Variants in CDH20 observed in about 807,000 individuals in gnomAD.
CDH20 encodes the protein cadherin 20, also known as cadherin-20.
In CDH20, 29 loss-of-function variants were observed where a neutral mutation model predicts 74.2. The observed-to-expected ratio is 0.39, with a 90% CI of 0.29 to 0.53. The LOEUF is 0.53. Among genes scored for constraint, CDH20 ranks in the 20% least tolerant of loss-of-function variants. CDH20 has a pLI of 0.69. For synonymous variants in CDH20, 469 were observed against 405.4 expected, an observed-to-expected ratio of 1.16 and a Z score of -1.88; for missense variants, 988 against 1,048.3, an observed-to-expected ratio of 0.94 and a Z score of 0.79.
intron 1 of CDH20, among the ~76,000 whole-genome samples, chr18:61,479,625 G>A (rs774323507): frequency 1.3e-5 from 2 of 151,516 alleles, no homozygotes; most frequent in South Asian, 2.1e-4. Context: ...AATTGCCTAG[G>A]GTTTTCTTTT....
chr18:61,426,680 T>G (rs965337877), intron 1 of CDH20, among the ~76,000 whole-genome samples: 1 of 152,222 alleles, frequency 6.6e-6, no homozygotes, highest in Non-Finnish European at 1.5e-5. Flanking sequence ...AAGGACTGAC[T>G]TAATGGCCTG....
chr18:61,423,188 G>T (rs190051287), intron 1 of CDH20, among the ~76,000 whole-genome samples: 1 of 152,186 alleles, frequency 6.6e-6, no homozygotes, highest in African/African-American at 2.4e-5. Flanking sequence ...GGTCAGTAGC[G>T]TCAGATCAGC....
chr18:61,501,731 G>T (rs1029419201), intron 4 of CDH20, among the ~76,000 whole-genome samples: 3 of 152,316 alleles, frequency 2.0e-5, no homozygotes, highest in Non-Finnish European at 2.9e-5. Flanking sequence ...ATTGCAGTTA[G>T]AGACTTCTAT....
intron 1 of CDH20, among the ~76,000 whole-genome samples, chr18:61,354,978 T>C (rs1329938342): frequency 6.6e-6 from 1 of 152,222 alleles, no homozygotes; most frequent in Non-Finnish European, 1.5e-5. Context: ...AAACTGTGCT[T>C]AGGCGCTGGC....
chr18:61,432,778 C>T (rs1913300197), intron 1 of CDH20, among the ~76,000 whole-genome samples: 1 of 152,102 alleles, frequency 6.6e-6, no homozygotes, highest in Admixed American at 6.6e-5. Flanking sequence ...TTCCCTTTTC[C>T]TTCCTTCCTT....
At chr18:61,534,617 G>A (rs979844729) in intron 7 of CDH20, among the ~76,000 whole-genome samples, 2 of 152,144 alleles carry the variant, frequency 1.3e-5, no homozygotes, top group African/African-American at 4.8e-5. Flanking sequence ...GAATCTAGAC[G>A]ACATTATGCT....
chr18:61,479,210 A>G (rs1047014774), intron 1 of CDH20, among the ~76,000 whole-genome samples: 3 of 151,956 alleles, frequency 2.0e-5, no homozygotes, highest in African/African-American at 7.2e-5. Context: ...GAATATTTGC[A>G]TGGGCCAAAA....
At chr18:61,378,227 A>G (rs1364926503) in intron 1 of CDH20, among the ~76,000 whole-genome samples, 1 of 152,224 alleles carries the variant, frequency 6.6e-6, no homozygotes, top group African/African-American at 2.4e-5. Flanking sequence ...GTGGACTTTC[A>G]TCAGCTGATG....
chr18:61,424,337 T>C (rs989762825), intron 1 of CDH20, among the ~76,000 whole-genome samples: 4 of 152,240 alleles, frequency 2.6e-5, no homozygotes, highest in African/African-American at 7.2e-5. Flanking sequence ...AGCAGTGTGC[T>C]ACAAGCACTG....
At chr18:61,533,181 G>C (rs1442269364) in intron 7 of CDH20, among the ~76,000 whole-genome samples, 1 of 152,118 alleles carries the variant, frequency 6.6e-6, no homozygotes, top group Non-Finnish European at 1.5e-5. Flanking sequence ...GGTGGTACCT[G>C]CCTCTAGTTC....
intron 1 of CDH20, among the ~76,000 whole-genome samples, chr18:61,483,504 G>A (rs552163281): frequency 7.9e-5 from 12 of 152,240 alleles, no homozygotes; most frequent in African/African-American, 2.6e-4. Context: ...ACAGCCTGGC[G>A]TAAACACTCC....
intron 1 of CDH20, among the ~76,000 whole-genome samples, chr18:61,438,566 G>A (rs968537368): frequency 6.6e-6 from 1 of 152,052 alleles, no homozygotes. Context: ...GATATCTCAT[G>A]CCAGTCAGAA....
intron 9 of CDH20, 151 bp downstream of exon 9, chr18:61,539,296 C>T (rs1599156622): frequency 1.2e-6 from 1 of 811,712 alleles, no homozygotes. Flanking sequence ...CAGGTTTCAA[C>T]CATTTATTTG....
intron 8 of CDH20, among the ~76,000 whole-genome samples, chr18:61,537,645 T>C (rs1396030726): frequency 6.6e-6 from 1 of 152,208 alleles, no homozygotes; most frequent in Non-Finnish European, 1.5e-5. Flanking sequence ...TGTTGTATAA[T>C]GTCATATATC....
intron 1 of CDH20, among the ~76,000 whole-genome samples, chr18:61,487,180 AT>A (rs374427024): frequency 2.7e-4 from 41 of 152,310 alleles, no homozygotes; most frequent in Non-Finnish European, 5.1e-4. Flanking sequence ...TCCAAAGCAG[AT>A]CTATATATAC....
intron 1 of CDH20, among the ~76,000 whole-genome samples, chr18:61,446,541 C>G (rs1002733533): frequency 5.9e-5 from 9 of 152,088 alleles, no homozygotes; most frequent in African/African-American, 2.2e-4. Context: ...TTTTTACACC[C>G]TCTTCATTAT....
chr18:61,428,873 C>T (rs186986705), intron 1 of CDH20, among the ~76,000 whole-genome samples: 20 of 152,348 alleles, frequency 1.3e-4, no homozygotes, highest in Admixed American at 1.1e-3. Context: ...TCCAGCCATT[C>T]CTGATACAGG....
rs1290486850 is a variant in CDH20 at position 61,472,048 on chromosome 18, G to A, written c.-152-18354G>A. Among the ~76,000 whole-genome samples the A allele has an allele frequency of 3.3e-5, 5 of 152,092 alleles. No homozygotes were observed. In the East Asian group the frequency reaches 9.6e-4, roughly 29 times the overall value. Reference sequence around the variant, plus strand: ...ACTGTACAAGGCTGCACATAGTCCTGTGCTGTTTGATTCCGTTAAGAAATC... The same window carrying A: ...ACTGTACAAGGCTGCACATAGTCCTATGCTGTTTGATTCCGTTAAGAAATC... On this transcript the variant is annotated intron_variant, in intron 1 of 11. Coordinates refer to ENST00000262717, the MANE Select transcript of CDH20 (RefSeq NM_031891.4).
chr18:61,469,419 C>T (rs1599106353), intron 1 of CDH20, among the ~76,000 whole-genome samples: 1 of 150,582 alleles, frequency 6.6e-6, no homozygotes, highest in Admixed American at 6.6e-5. Flanking sequence ...ATATAAATAA[C>T]ATTATTTTAG....
Sources: gnomAD v4.1 joint callset for allele counts (sites outside exome capture counted in the v4.1 genomes callset) on GRCh38, gnomAD v4.1.1 for gene constraint, MANE v1.5 for transcripts, NCBI Gene and HGNC (gene_info 2026-07-23, HGNC 2026-07-21) for gene names.